ATP6V0A4: variants seen among roughly 807,000 people sequenced by gnomAD.
The protein encoded by ATP6V0A4 is V-type proton ATPase 116 kDa subunit a 4.
A neutral mutation model predicts 107.3 loss-of-function variants in ATP6V0A4; 86 were observed. That is an observed-to-expected ratio of 0.80 (90% CI 0.67 to 0.96). The LOEUF (loss-of-function observed/expected upper bound fraction) is 0.96. ATP6V0A4 is among the 40% of genes least tolerant of loss of function. The pLI is 0.00. For missense variants in ATP6V0A4, 908 were observed against 1,045.6 expected, an observed-to-expected ratio of 0.87 and a Z score of 1.81; for synonymous variants, 353 against 381.4, an observed-to-expected ratio of 0.93 and a Z score of 0.87.
chr7:138,732,362 T>C (rs1323938404), intron 17 of ATP6V0A4, among the ~76,000 whole-genome samples: 2 of 152,096 alleles, frequency 1.3e-5, no homozygotes, highest in East Asian at 1.9e-4. Flanking sequence ...CCAACAAGAA[T>C]GGTTGGAGCC....
chr7:138,796,360 C>T (rs1808661084), intron 1 of ATP6V0A4, among the ~76,000 whole-genome samples: 1 of 152,150 alleles, frequency 6.6e-6, no homozygotes, highest in Non-Finnish European at 1.5e-5. Context: ...CATAGGCCAC[C>T]ACTATTTTAT....
chr7:138,741,244 AGTGAGGT>A (rs1469736820), intron 14 of ATP6V0A4, among the ~76,000 whole-genome samples: 2 of 152,206 alleles, frequency 1.3e-5, no homozygotes, highest in African/African-American at 4.8e-5. Flanking sequence ...TCCCTTCTGC[AGTGAGGT>A]GCTGAGGGCC....
intron 14 of ATP6V0A4, 95 bp from the exon 15 acceptor site, chr7:138,739,728 C>T (rs1302526224): frequency 1.3e-6 from 2 of 1,555,052 alleles, no homozygotes; most frequent in African/African-American, 2.7e-5. Context: ...CATCAAAGTC[C>T]AACTACTGGT....
At position 138,759,868 on chromosome 7, in the gene ATP6V0A4, C is replaced by A; in HGVS notation, c.523G>T (p.Gly175Cys). 4 of 1,614,030 alleles carry A rather than the reference C, an allele frequency of 2.5e-6. No individual in the cohort carries two copies. Among genetic ancestry groups the A allele is most frequent in the Non-Finnish European group, 3.4e-6 (4 of 1,180,004 alleles). The change falls in exon 8 of 22, where the codon GGT becomes TGT. Residue 175 changes from glycine (G) to cysteine (C), a missense_variant. By Grantham distance (159) the Gly-to-Cys change is radical. Transcript: ENST00000310018. Reference sequence around the variant, plus strand: ...GCCATCCTCTCCCTGTTGATCACACCGGCTATGAACCTAGGCAGCCAGAAG... The same window carrying A: ...GCCATCCTCTCCCTGTTGATCACACAGGCTATGAACCTAGGCAGCCAGAAG... ...YMTGKLGFIA[G>C]VINRERMASF...
At chr7:138,746,606 T>A (rs388854) in intron 13 of ATP6V0A4, among the ~76,000 whole-genome samples, 1 of 151,972 alleles carries the variant, frequency 6.6e-6, no homozygotes, top group African/African-American at 2.4e-5. Context: ...CGGGTTCAAG[T>A]AATTCTCCAG....
At chr7:138,762,211 T>C in intron 7 of ATP6V0A4, 129 bp downstream of exon 7, 1 of 1,232,542 alleles carries the variant, frequency 8.1e-7, no homozygotes, top group Non-Finnish European at 1.2e-6. Flanking sequence ...GGTCTATCGC[T>C]TGGCAGAGGC....
intron 1 of ATP6V0A4, among the ~76,000 whole-genome samples, chr7:138,793,177 C>T (rs1434133340): frequency 6.6e-6 from 1 of 152,058 alleles, no homozygotes; most frequent in Admixed American, 6.6e-5. Context: ...CGCCTGTAAT[C>T]CCAGCTACTC....
intron 19 of ATP6V0A4, among the ~76,000 whole-genome samples, chr7:138,720,949 CTT>C (rs1425164592): frequency 6.6e-6 from 1 of 152,048 alleles, no homozygotes; most frequent in Non-Finnish European, 1.5e-5. Flanking sequence ...CAAGAGAAAA[CTT>C]TTTAAAATAA....
Position 138,709,186 on chromosome 7 carries a change from A to G in ATP6V0A4, c.2429+438T>C, listed in dbSNP as rs546386561. Among the ~76,000 whole-genome samples the G allele has an allele frequency of 7.9e-4, 117 of 148,344 alleles. 4 individuals are homozygous for G. The South Asian group carries it at 0.026, about 33-fold the overall frequency. ...ATTGCACCACTGCATTCCAGCCTGG[A>G]CAACAGAGTGAGAGCCTGTCTCAAA... On this transcript the variant is annotated intron_variant, in intron 21 of 21. Coordinates refer to ENST00000310018, the MANE Select transcript of ATP6V0A4 (RefSeq NM_020632.3).
chr7:138,763,884 C>T (rs1037390271), intron 5 of ATP6V0A4, among the ~76,000 whole-genome samples: 5 of 150,596 alleles, frequency 3.3e-5, no homozygotes, highest in South Asian at 2.1e-4. Flanking sequence ...CGCTTGAATC[C>T]GGGAGGCAGA....
At chr7:138,738,062 A>G (rs116343557) in intron 15 of ATP6V0A4, among the ~76,000 whole-genome samples, 4,375 of 152,120 alleles carry the variant, frequency 0.029, 204 homozygotes, top group African/African-American at 0.1. Context: ...ACATCTGGCC[A>G]ACTCCTGCTT....
intron 18 of ATP6V0A4, 69 bp from the exon 19 acceptor site, chr7:138,722,094 A>C: frequency 6.3e-7 from 1 of 1,596,168 alleles, no homozygotes; most frequent in Non-Finnish European, 8.5e-7. Flanking sequence ...TATAAATATA[A>C]ATAAAGGCTC....
intron 17 of ATP6V0A4, among the ~76,000 whole-genome samples, chr7:138,730,823 T>C (rs765393577): frequency 6.6e-6 from 1 of 152,156 alleles, no homozygotes; most frequent in Admixed American, 6.5e-5. Context: ...ATGGTTACCA[T>C]CTGTGATAAC....
chr7:138,784,253 C>CAT (rs59443230), intron 2 of ATP6V0A4, among the ~76,000 whole-genome samples: 37 of 106,194 alleles, frequency 3.5e-4, no homozygotes, highest in Non-Finnish European at 4.3e-4. Context: ...TATATATATA[C>CAT]ATATATATAT....
intron 21 of ATP6V0A4, 121 bp downstream of exon 21, chr7:138,709,503 A>G (rs1803625221): frequency 1.1e-6 from 1 of 891,006 alleles, no homozygotes. Context: ...CTAAGGCTCC[A>G]AAGAGGTATG....
intron 13 of ATP6V0A4, among the ~76,000 whole-genome samples, chr7:138,746,134 G>C: frequency 7.0e-6 from 1 of 143,320 alleles, no homozygotes; most frequent in East Asian, 2.1e-4. Context: ...GCTTAGGAAG[G>C]GACTTGAAAG....
At position 138,732,870 on chromosome 7, in the gene ATP6V0A4, G is replaced by T; in HGVS notation, c.1908+7C>A. 2 of 1,576,524 alleles carry T rather than the reference G, an allele frequency of 1.3e-6. No individual in the cohort carries two copies. Among genetic ancestry groups the T allele is most frequent in the Non-Finnish European group, 1.7e-6 (2 of 1,160,340 alleles). ...GAAGAGTAAAAAAAAAAAAATAGCA[G>T]AAATACCTGATGTTTGTAGAGGGGT... On this transcript the variant is annotated splice_region_variant and intron_variant, in intron 17 of 21. Transcript: ENST00000310018.
chr7:138,733,237 C>T (rs1265553597), intron 16 of ATP6V0A4, 144 bp from the exon 17 acceptor site: 1 of 1,364,980 alleles, frequency 7.3e-7, no homozygotes, highest in Non-Finnish European at 9.9e-7. Context: ...CCCCCACCCC[C>T]CCAGCAAACA....
At chr7:138,765,728 T>A (rs1456944692) in intron 5 of ATP6V0A4, among the ~76,000 whole-genome samples, 3 of 151,852 alleles carry the variant, frequency 2.0e-5, no homozygotes, top group African/African-American at 7.3e-5. Flanking sequence ...CCTACTTTTA[T>A]GCTGGTGGTT....
Sources: allele counts gnomAD v4.1 joint callset (sites outside exome capture counted in the v4.1 genomes callset), GRCh38; gene constraint gnomAD v4.1.1; transcripts MANE v1.5; gene names NCBI Gene and HGNC (gene_info 2026-07-23, HGNC 2026-07-21).